The following CMTR1 variants were observed in gnomAD, a reference collection of about 807,000 sequenced individuals.
The protein encoded by CMTR1 is cap methyltransferase 1.
Under a neutral mutation model 107.0 loss-of-function variants are expected in CMTR1, and 39 were observed. The ratio of observed to expected loss-of-function variants is 0.36; its 90% CI spans 0.28 to 0.48. CMTR1 has a LOEUF of 0.48. CMTR1 is among the 20% of genes least tolerant of loss of function. The probability of loss-of-function intolerance (pLI) is 0.99; values close to 1 mark genes in which losing one functional copy is unlikely to be tolerated. For missense variants in CMTR1, 672 were observed against 1,064.9 expected, an observed-to-expected ratio of 0.63 and a Z score of 5.14; for synonymous variants, 366 against 379.5, an observed-to-expected ratio of 0.96 and a Z score of 0.41.
intron 2 of CMTR1, among the ~76,000 whole-genome samples, chr6:37,437,943 G>T (rs1760071827): frequency 6.6e-6 from 1 of 152,192 alleles, no homozygotes; most frequent in Admixed American, 6.5e-5. Context: ...GAAGGTAAGT[G>T]TATAAGGGTA....
rs190927203 is a variant in CMTR1 at position 37,444,937 on chromosome 6, A to T, written c.285+787A>T. Among the ~76,000 whole-genome samples the T allele has an allele frequency of 2.7e-3, 411 of 152,302 alleles. 8 individuals carry two copies. Among genetic ancestry groups the T allele is most frequent in the Non-Finnish European group, 1.7e-3 (117 of 68,016 alleles). On this transcript the variant is annotated intron_variant, in intron 3 of 23. Transcript: ENST00000373451. ...GCTCCTCAGGAGGCTGAGTCAGGAG[A>T]ATCGCTTGAACCTGAGAGGTGGAGC...
At chr6:37,428,014 GAGAGAGAGAGAGAGA>G in the CMTR1 span, among the ~76,000 whole-genome samples, 176 of 63,284 alleles carry the variant, frequency 2.8e-3, no homozygotes, top group African/African-American at 0.015. Flanking sequence ...GAGACAGAGA[GAGAGAGAGAGAGAGA>G]GAGAGAGAGA....
At chr6:37,449,271 T>TTATTATGTTATGTTA (rs1554198298) in intron 4 of CMTR1, among the ~76,000 whole-genome samples, 2 of 145,246 alleles carry the variant, frequency 1.4e-5, no homozygotes, top group African/African-American at 5.2e-5. Flanking sequence ...ATTTTATGTT[T>TTATTATGTTATGTTA]TGTTATGTTA....
Position 37,458,980 on chromosome 6 carries a change from C to A in CMTR1, c.976+170C>A, listed in dbSNP as rs895755868. On this transcript the variant is annotated intron_variant, in intron 9 of 23. Coordinates refer to ENST00000373451, the MANE Select transcript of CMTR1 (RefSeq NM_015050.3). This position sits in a 1 kb window ranked among gnomAD's most constrained non-coding sequence, Gnocchi z 4.7. ...GTTCCCTCTGGACTATCCCTTTTTA[C>A]CCTGGGCCTGCAGAATACAGGTCAA... Among the ~76,000 whole-genome samples the A allele has an allele frequency of 2.0e-5, 3 of 152,322 alleles. No homozygotes were observed. The South Asian group carries it at 6.2e-4, about 32-fold the overall frequency.
chr6:37,446,276 ACTT>A lies in CMTR1; in HGVS notation c.286-12_286-10del, dbSNP rs1216082967. Reference sequence around the variant, plus strand: ...TGAACCTAATTAATTGTGCTCCACTACTTCTCTTTTTCAGGCCAAGATGGGCTT... The same window carrying A: ...TGAACCTAATTAATTGTGCTCCACTACTCTTTTTCAGGCCAAGATGGGCTT... On this transcript the variant is annotated splice_polypyrimidine_tract_variant and intron_variant, in intron 3 of 23. Transcript: ENST00000373451. 1.2e-6 allele frequency: 2 copies of A among 1,613,666 alleles called. No individual in the cohort carries two copies. Among genetic ancestry groups the A allele is most frequent in the East Asian group, 2.2e-5 (1 of 44,898 alleles).
chr6:37,448,119 G>A (rs1243313346), intron 4 of CMTR1, among the ~76,000 whole-genome samples: 1 of 149,760 alleles, frequency 6.7e-6, no homozygotes, highest in Admixed American at 6.7e-5. Context: ...GCTGAGGCAG[G>A]AGAATGGCAT....
chr6:37,477,486 TG>T, intron 20 of CMTR1, 105 bp from the exon 21 acceptor site: 1 of 1,010,878 alleles, frequency 9.9e-7, no homozygotes, highest in Non-Finnish European at 1.6e-6. Flanking sequence ...AGGGAGGGCC[TG>T]GGGCAGAAGC....
intron 19 of CMTR1, 180 bp from the exon 20 acceptor site, chr6:37,475,946 A>G (rs551459112): frequency 3.3e-6 from 2 of 610,762 alleles, no homozygotes; most frequent in East Asian, 5.6e-5. Context: ...GGGCATGAAT[A>G]AAGACGTCGG....
Position 37,481,443 on chromosome 6 carries a change from C to T in CMTR1, c.*1298C>T, listed in dbSNP as rs1049103060. The T allele has an allele frequency of 6.0e-6, 7 of 1,168,864 alleles. No homozygotes were observed. The highest frequency in any genetic ancestry group is 7.5e-6 in the Non-Finnish European group (7 of 932,420). 72.4% of individuals were successfully genotyped at this position (1,168,864 alleles called of 1,614,324 possible). A position where few individuals can be genotyped will look rare whatever the true frequency, so the allele number is the denominator to read the frequency against. ...GCACTGCTGAGATGCTGTATTTCCA[C>T]CCAATTCTGGGTATATCAGTGTGTC... On this transcript the variant is annotated 3_prime_UTR_variant, in exon 24 of 24. Coordinates refer to ENST00000373451, the MANE Select transcript of CMTR1 (RefSeq NM_015050.3).
Position 37,458,824 on chromosome 6 carries a change from G to A in CMTR1, c.976+14G>A. 1 of 1,613,172 alleles carries A rather than the reference G, an allele frequency of 6.2e-7. No homozygotes were observed. Among genetic ancestry groups the A allele is most frequent in the Non-Finnish European group, 8.5e-7 (1 of 1,179,582 alleles). On this transcript the variant is annotated intron_variant, in intron 9 of 23. Transcript: ENST00000373451. The surrounding 1 kb of genome is among the most constrained non-coding windows in gnomAD (Gnocchi z 4.7). The stretch of plus-strand genomic sequence containing the variant: ...AACCCTACTATGGTAGGGACATTGA[G>A]GAGGGTACTAGGAGGTATGAGGGAC...
intron 16 of CMTR1, among the ~76,000 whole-genome samples, 195 bp from the exon 17 acceptor site, chr6:37,473,275 C>G (rs1761666192): frequency 6.6e-6 from 1 of 152,020 alleles, no homozygotes; most frequent in Non-Finnish European, 1.5e-5. Context: ...ATAGGTCCTA[C>G]AGGAACATTC....
intron 2 of CMTR1, 37 bp downstream of exon 2, chr6:37,435,799 C>G: frequency 6.5e-7 from 1 of 1,548,466 alleles, no homozygotes; most frequent in Non-Finnish European, 8.7e-7. Flanking sequence ...CACTGGCCAT[C>G]TGGTTATTTG....
chr6:37,459,515 C>T (rs191477131), intron 9 of CMTR1, 51 bp from the exon 10 acceptor site: 1 of 1,505,742 alleles, frequency 6.6e-7, no homozygotes, highest in African/African-American at 1.4e-5. Context: ...TGTCCCAGCT[C>T]CTGACATGTA....
intron 8 of CMTR1, among the ~76,000 whole-genome samples, chr6:37,455,307 G>A (rs547421522): frequency 6.6e-6 from 1 of 152,264 alleles, no homozygotes; most frequent in African/African-American, 2.4e-5. Context: ...TTAAACTCCC[G>A]ACCTAAGGTG....
chr6:37,458,134 A>C lies in CMTR1; in HGVS notation c.778-478A>C, dbSNP rs1039693744. Among the ~76,000 whole-genome samples the C allele has an allele frequency of 6.6e-6, 1 of 152,116 alleles. No homozygotes were observed. Among genetic ancestry groups the C allele is most frequent in the Non-Finnish European group, 1.5e-5 (1 of 68,024 alleles). ...CAGTGGCGCGATCTCAGCTCACTGC[A>C]ACCTCTGCCTCCCGGGTTCAAGCAA... On this transcript the variant is annotated intron_variant, in intron 8 of 23. Transcript: ENST00000373451. This position sits in a 1 kb window ranked among gnomAD's most constrained non-coding sequence, Gnocchi z 4.7.
In CMTR1 at chr6:37,470,627, C is replaced by T. The variant is rs533794572; in HGVS notation, c.1506-394C>T. ...GCCTCATAATTTTTTTATTAAATGC[C>T]AGACATTGTGTGTAAAGAACAGTGA... On this transcript the variant is annotated intron_variant, in intron 13 of 23. Coordinates refer to ENST00000373451, the MANE Select transcript of CMTR1 (RefSeq NM_015050.3). 4.6e-5 allele frequency among the ~76,000 whole-genome samples: 7 copies of T among 152,168 alleles called. No homozygotes were observed. In the South Asian group the frequency reaches 1.4e-3, roughly 32 times the overall value.
intron 13 of CMTR1, among the ~76,000 whole-genome samples, chr6:37,466,086 TATGTTTTTAAA>T (rs1264383731): frequency 6.6e-6 from 1 of 151,382 alleles, no homozygotes; most frequent in Non-Finnish European, 1.5e-5. Flanking sequence ...ATCTTTCCTC[TATGTTTTTAAA>T]GAGTTTTACA....
At chr6:37,461,898 C>T (rs1761409000) in intron 11 of CMTR1, 72 bp from the exon 12 acceptor site, 6 of 1,527,876 alleles carry the variant, frequency 3.9e-6, no homozygotes, top group East Asian at 2.3e-5. Flanking sequence ...GTCATATTTA[C>T]TCCCAAGACT....
At chr6:37,443,893 A>T in intron 2 of CMTR1, 106 bp from the exon 3 acceptor site, 1 of 1,219,052 alleles carries the variant, frequency 8.2e-7, no homozygotes, top group Non-Finnish European at 1.1e-6. Flanking sequence ...TGAACTTTAT[A>T]TGTGCATTGT....
Sources: gnomAD v4.1 joint callset for allele counts (sites outside exome capture counted in the v4.1 genomes callset) on GRCh38, gnomAD v4.1.1 for gene constraint, Gnocchi (gnomAD v3.1) non-coding constraint, MANE v1.5 for transcripts, NCBI Gene and HGNC (gene_info 2026-07-23, HGNC 2026-07-21) for gene names.